CADM2: variants seen among roughly 807,000 people sequenced by gnomAD.
CADM2 encodes the protein immunoglobulin superfamily member 4D.
In CADM2, 12 loss-of-function variants were observed where a neutral mutation model predicts 49.8. That is an observed-to-expected ratio of 0.24 (90% CI 0.15 to 0.39). The LOEUF (loss-of-function observed/expected upper bound fraction) is 0.39. Among genes scored for constraint, CADM2 ranks in the 10% least tolerant of loss-of-function variants. The pLI, the probability that CADM2 is intolerant of heterozygous loss-of-function variation, is 1.00. For missense variants in CADM2, 378 were observed against 492.3 expected, an observed-to-expected ratio of 0.77 and a Z score of 2.20; for synonymous variants, 214 against 175.4, an observed-to-expected ratio of 1.22 and a Z score of -1.74.
At chr3:85,611,844 G>T (rs1382097313) in intron 1 of CADM2, among the ~76,000 whole-genome samples, 1 of 151,752 alleles carries the variant, frequency 6.6e-6, no homozygotes. Context: ...GAAAGATGTG[G>T]CAGCTTCATT....
chr3:85,373,801 G>A (rs900685638), intron 1 of CADM2, among the ~76,000 whole-genome samples: 47 of 152,286 alleles, frequency 3.1e-4, no homozygotes, highest in African/African-American at 1.1e-3. Context: ...TGAAGCAACA[G>A]CCTAAGCTGT....
intron 3 of CADM2, among the ~76,000 whole-genome samples, chr3:85,859,690 A>T (rs536530687): frequency 6.6e-6 from 1 of 152,210 alleles, no homozygotes; most frequent in Admixed American, 6.5e-5. Context: ...ATACTGTCTC[A>T]GGAGTGCTTT....
chr3:85,425,541 A>C (rs2036360728), intron 1 of CADM2, among the ~76,000 whole-genome samples: 1 of 152,192 alleles, frequency 6.6e-6, no homozygotes, highest in Non-Finnish European at 1.5e-5. Context: ...TTGAAAGTAC[A>C]CAATAAATTA....
intron 1 of CADM2, among the ~76,000 whole-genome samples, chr3:85,315,303 C>T (rs1238714755): frequency 6.6e-6 from 1 of 152,132 alleles, no homozygotes; most frequent in African/African-American, 2.4e-5. Flanking sequence ...AAGGGTCCAT[C>T]ACACGTTAGT....
intron 8 of CADM2, 52 bp downstream of exon 8, chr3:85,961,699 A>T (rs778395548): frequency 1.5e-6 from 2 of 1,361,010 alleles, no homozygotes; most frequent in Non-Finnish European, 2.0e-6. Flanking sequence ...AACTTGAAAA[A>T]CTATTTAAAT....
intron 8 of CADM2, among the ~76,000 whole-genome samples, chr3:85,984,267 A>G (rs994357296): frequency 2.0e-5 from 3 of 151,032 alleles, no homozygotes; most frequent in African/African-American, 7.3e-5. Flanking sequence ...AGTCATTTAT[A>G]AAATAATTCC....
intron 1 of CADM2, among the ~76,000 whole-genome samples, chr3:85,509,590 A>G (rs2040517804): frequency 6.6e-6 from 1 of 152,130 alleles, no homozygotes; most frequent in Non-Finnish European, 1.5e-5. Flanking sequence ...TATAAATTTA[A>G]TTATGGTTTC....
At chr3:85,243,181 ATAT>A (rs1369915098) in intron 1 of CADM2, among the ~76,000 whole-genome samples, 1 of 151,812 alleles carries the variant, frequency 6.6e-6, no homozygotes, top group Admixed American at 6.6e-5. Flanking sequence ...TTTATAGAAC[ATAT>A]TATTTCTACT....
chr3:85,835,806 A>C (rs796422783), intron 3 of CADM2, among the ~76,000 whole-genome samples: 11 of 149,308 alleles, frequency 7.4e-5, no homozygotes, highest in African/African-American at 2.4e-4. Context: ...GACTCAGTAT[A>C]GACTGATTTT....
chr3:86,034,269 A>C (rs761073579), intron 8 of CADM2, among the ~76,000 whole-genome samples: 2 of 151,968 alleles, frequency 1.3e-5, no homozygotes, highest in Non-Finnish European at 2.9e-5. Flanking sequence ...TTGTGTTCCC[A>C]TAAAAATTTA....
intron 3 of CADM2, among the ~76,000 whole-genome samples, chr3:85,865,030 G>T (rs1035838920): frequency 2.6e-5 from 4 of 152,154 alleles, no homozygotes; most frequent in Non-Finnish European, 5.9e-5. Context: ...GACATTTTAG[G>T]CAGGGCACTG....
At chr3:85,827,610 G>C (rs1174532018) in intron 3 of CADM2, among the ~76,000 whole-genome samples, 5 of 151,752 alleles carry the variant, frequency 3.3e-5, no homozygotes, top group Non-Finnish European at 7.4e-5. Context: ...TTCTTTTATT[G>C]TGTAGGAATC....
intron 2 of CADM2, among the ~76,000 whole-genome samples, chr3:85,771,590 G>A (rs1186234861): frequency 2.0e-5 from 3 of 151,880 alleles, no homozygotes; most frequent in Non-Finnish European, 2.9e-5. Context: ...AACATTTGAC[G>A]GAAATACTAG....
Position 85,888,045 on chromosome 3 carries a change from A to G in CADM2, c.529+1718A>G, listed in dbSNP as rs773995843. Reference sequence around the variant, plus strand: ...TTACACTAAAATGCACTTCTTAGATACAATCCTTCAATGAATTACTTTATT... The same window carrying G: ...TTACACTAAAATGCACTTCTTAGATGCAATCCTTCAATGAATTACTTTATT... On this transcript the variant is annotated intron_variant, in intron 5 of 9. Coordinates refer to ENST00000383699, the MANE Select transcript of CADM2 (RefSeq NM_001167675.2). 4.9e-4 allele frequency among the ~76,000 whole-genome samples: 74 copies of G among 152,208 alleles called. 2 individuals are homozygous for G. Among genetic ancestry groups the G allele is most frequent in the Admixed American group, 3.3e-3 (51 of 15,280 alleles).
chr3:86,013,612 ACTT>A lies in CADM2; in HGVS notation c.970+51969_970+51971del, dbSNP rs970779671. The A allele has an allele frequency of 2.5e-6, 4 of 1,599,488 alleles. No homozygotes were observed. The African/African-American group carries it at 4.0e-5, about 16-fold the overall frequency. On this transcript the variant is annotated intron_variant, in intron 8 of 9. Coordinates refer to ENST00000383699, the MANE Select transcript of CADM2 (RefSeq NM_001167675.2). ...ACTCTCAGGGAAGAGAGAGAATCAC[ACTT>A]CTTTTCCATTATCACTGACGATGTA...
At chr3:85,650,151 C>T (rs981474017) in intron 1 of CADM2, among the ~76,000 whole-genome samples, 1 of 152,080 alleles carries the variant, frequency 6.6e-6, no homozygotes, top group Non-Finnish European at 1.5e-5. Flanking sequence ...TGGGAGAGGG[C>T]TACGTTCTCA....
At chr3:85,812,229 C>T (rs2108132197) in intron 3 of CADM2, among the ~76,000 whole-genome samples, 1 of 151,964 alleles carries the variant, frequency 6.6e-6, no homozygotes. Context: ...ATAAACTATT[C>T]CAGGAGATGC....
intron 1 of CADM2, among the ~76,000 whole-genome samples, chr3:85,621,928 C>T (rs1023922438): frequency 1.3e-5 from 2 of 152,102 alleles, no homozygotes; most frequent in Non-Finnish European, 2.9e-5. Flanking sequence ...AATAATTCCC[C>T]GCTTGAATTC....
At chr3:85,129,945 A>G (rs1206232642) in intron 1 of CADM2, among the ~76,000 whole-genome samples, 1 of 152,208 alleles carries the variant, frequency 6.6e-6, no homozygotes, top group East Asian at 1.9e-4. Flanking sequence ...GATGCCTTCC[A>G]CGCTTTTAAT....
Sources: gnomAD v4.1 joint callset for allele counts (sites outside exome capture counted in the v4.1 genomes callset) on GRCh38, gnomAD v4.1.1 for gene constraint, MANE v1.5 for transcripts, NCBI Gene and HGNC (gene_info 2026-07-23, HGNC 2026-07-21) for gene names.